SSU72: variants seen among roughly 807,000 people sequenced by gnomAD.
SSU72 encodes the protein RNA polymerase II subunit A C-terminal domain phosphatase SSU72.
In SSU72, 12 loss-of-function variants were observed where a neutral mutation model predicts 22.7. The ratio of observed to expected loss-of-function variants is 0.53; its 90% confidence interval spans 0.34 to 0.86. SSU72 has a LOEUF of 0.86. Ranked by LOEUF, SSU72 falls within the 40% of genes least tolerant of loss-of-function variation. The pLI is 0.02. For synonymous variants in SSU72, 116 were observed against 98.3 expected (o/e 1.18, Z -1.06); for missense variants, 151 against 249.8 (o/e 0.60, Z 2.67).
chr1:1,573,429 CAAAAAAA>C (rs56930035), intron 1 of SSU72, among the ~76,000 whole-genome samples: 22 of 107,572 alleles, frequency 2.0e-4, no homozygotes, highest in Admixed American at 4.3e-4. Context: ...GACTCTGTCT[CAAAAAAA>C]AAAAAAAAAA....
chr1:1,572,881 G>GT (rs946005720), intron 1 of SSU72, among the ~76,000 whole-genome samples: 2 of 144,144 alleles, frequency 1.4e-5, no homozygotes, highest in African/African-American at 2.7e-5. Flanking sequence ...TTGTCTTGGG[G>GT]GGGGGGGGGT....
intron 1 of SSU72, among the ~76,000 whole-genome samples, chr1:1,571,670 G>A (rs1443714508): frequency 6.6e-6 from 1 of 152,112 alleles, no homozygotes; most frequent in Non-Finnish European, 1.5e-5. Context: ...TGCCAGCAAC[G>A]GCCACTGGCC....
At chr1:1,557,581 G>A (rs1403355889) in intron 2 of SSU72, among the ~76,000 whole-genome samples, 1 of 152,082 alleles carries the variant, frequency 6.6e-6, no homozygotes, top group Non-Finnish European at 1.5e-5. Flanking sequence ...TTCACCGGAG[G>A]TCAGGTGTTT....
intron 4 of SSU72, 24 bp downstream of exon 4, chr1:1,543,845 C>G: frequency 6.3e-7 from 1 of 1,579,888 alleles, no homozygotes; most frequent in East Asian, 2.2e-5. Context: ...CTCTGCCCAG[C>G]GCGGCGCCCA....
chr1:1,574,585 C>T lies in SSU72; in HGVS notation c.-28G>A. 6.3e-7 allele frequency: 1 copy of T among 1,575,962 alleles called. No homozygotes were observed. Among genetic ancestry groups the T allele is most frequent in the Non-Finnish European group, 8.6e-7 (1 of 1,164,354 alleles). ...CGGCGGCCGCAAATCCCGCGGCTCT[C>T]CCGCTTGGGTTCCCACCCTACCGCG... On this transcript the variant is annotated 5_prime_UTR_variant, in exon 1 of 5. Coordinates refer to ENST00000291386, the MANE Select transcript of SSU72 (RefSeq NM_014188.3).
intron 1 of SSU72, among the ~76,000 whole-genome samples, chr1:1,572,963 C>G (rs1177377196): frequency 6.6e-6 from 1 of 151,080 alleles, no homozygotes; most frequent in African/African-American, 2.4e-5. Context: ...GAAGATCCAG[C>G]ACAATGTAAT....
At chr1:1,558,380 T>C (rs1338620062) in intron 2 of SSU72, among the ~76,000 whole-genome samples, 2 of 151,374 alleles carry the variant, frequency 1.3e-5, no homozygotes, top group Non-Finnish European at 2.9e-5. Context: ...AACCAAATAA[T>C]AATAATAATC....
Position 1,541,733 on chromosome 1 carries a change from C to T in SSU72, c.*333G>A. 2 of 357,870 alleles carry T rather than the reference C, an allele frequency of 5.6e-6. No homozygotes were observed. The highest frequency in any genetic ancestry group is 5.4e-6 in the Non-Finnish European group (1 of 186,776). The allele number at this position is 357,870 out of a possible 1,614,324, so 22.2% of individuals were successfully genotyped here. ...ATTCCTAACACGCCGCAGCAGGGCTCTGTACAGTCCGGCCCGGTGGGGAGG... is the reference window on the plus strand; with the variant it reads ...ATTCCTAACACGCCGCAGCAGGGCTTTGTACAGTCCGGCCCGGTGGGGAGG... On this transcript the variant is annotated 3_prime_UTR_variant, in exon 5 of 5. Coordinates refer to ENST00000291386, the MANE Select transcript of SSU72 (RefSeq NM_014188.3).
chr1:1,567,288 GA>G (rs1642673779), intron 1 of SSU72, among the ~76,000 whole-genome samples: 1 of 152,242 alleles, frequency 6.6e-6, no homozygotes, highest in South Asian at 2.1e-4. Context: ...TGAGTCCCCT[GA>G]GGCTGATGAC....
Position 1,571,870 on chromosome 1 carries a change from C to T in SSU72, c.80+2608G>A, listed in dbSNP as rs114813392. On this transcript the variant is annotated intron_variant, in intron 1 of 4. Coordinates refer to ENST00000291386, the MANE Select transcript of SSU72 (RefSeq NM_014188.3). ...TGGCCGGATCTCAGCTCACTGCAAG[C>T]TCTGCTTCCTGCTTCCCGGGTTCAC... 2.1e-3 allele frequency among the ~76,000 whole-genome samples: 312 copies of T among 152,042 alleles called. 1 individual carries two copies. The highest frequency in any genetic ancestry group is 7.1e-3 in the African/African-American group (296 of 41,478).
chr1:1,565,289 C>T (rs1446179093), intron 1 of SSU72, among the ~76,000 whole-genome samples: 5 of 152,176 alleles, frequency 3.3e-5, no homozygotes, highest in African/African-American at 7.2e-5. Context: ...AGGAGAATGG[C>T]GTGAACCCGG....
chr1:1,573,452 AAAAAGAAAG>A (rs1642764627), intron 1 of SSU72, among the ~76,000 whole-genome samples: 2 of 149,776 alleles, frequency 1.3e-5, no homozygotes, highest in Non-Finnish European at 3.0e-5. Context: ...AAAAAAAAAA[AAAAAGAAAG>A]AAAAGAATAA....
At chr1:1,557,868 T>C (rs1322704500) in intron 2 of SSU72, among the ~76,000 whole-genome samples, 1 of 151,984 alleles carries the variant, frequency 6.6e-6, no homozygotes, top group Non-Finnish European at 1.5e-5. Context: ...CACACAGAAG[T>C]TAACCTAAAA....
intron 1 of SSU72, 35 bp downstream of exon 1, chr1:1,574,443 G>C: frequency 6.4e-7 from 1 of 1,569,666 alleles, no homozygotes; most frequent in Non-Finnish European, 8.6e-7. Flanking sequence ...GGTCGCCGGA[G>C]CAGAGCGCGC....
chr1:1,559,291 G>A (rs932379492), intron 2 of SSU72, among the ~76,000 whole-genome samples: 8 of 152,302 alleles, frequency 5.3e-5, no homozygotes, highest in Admixed American at 1.3e-4. Flanking sequence ...TGTAGCACGG[G>A]AAGCTGCTAC....
At chr1:1,560,409 G>C (rs1324390447) in intron 2 of SSU72, among the ~76,000 whole-genome samples, 1 of 152,192 alleles carries the variant, frequency 6.6e-6, no homozygotes, top group Non-Finnish European at 1.5e-5. Context: ...GTCTCCCCAG[G>C]CTGGAACTGC....
rs534363219 is a variant in SSU72 at position 1,562,490 on chromosome 1, C to T, written c.224+2283G>A. 26 of 152,206 alleles carry T rather than the reference C, an allele frequency of 1.7e-4. No homozygotes were observed. The East Asian group carries it at 3.9e-3, about 23-fold the overall frequency. 9.4% of individuals were successfully genotyped at this position (152,206 alleles called of 1,614,324 possible). On this transcript the variant is annotated intron_variant, in intron 2 of 4. Coordinates refer to ENST00000291386, the MANE Select transcript of SSU72 (RefSeq NM_014188.3). ...GGGAAGGGGCTGCGTGGTCATGCAC[C>T]GCCTAAGACTCAGAGGTGAAGATGG... is the stretch of plus-strand genomic sequence containing the variant.
chr1:1,547,153 T>C (rs1412299972), intron 2 of SSU72, among the ~76,000 whole-genome samples: 1 of 152,006 alleles, frequency 6.6e-6, no homozygotes, highest in Non-Finnish European at 1.5e-5. Context: ...AGGGGTCCAG[T>C]GGCAGCTTCA....
chr1:1,573,992 C>A (rs1642772161), intron 1 of SSU72, among the ~76,000 whole-genome samples: 1 of 148,862 alleles, frequency 6.7e-6, no homozygotes, highest in Non-Finnish European at 1.5e-5. Flanking sequence ...CGGTTGGAGG[C>A]GTTCCAGGGA....
Sources: allele counts gnomAD v4.1 joint callset (sites outside exome capture counted in the v4.1 genomes callset), GRCh38; gene constraint gnomAD v4.1.1; transcripts MANE v1.5; gene names NCBI Gene and HGNC (gene_info 2026-07-23, HGNC 2026-07-21).